The following LPA variants were observed in gnomAD, a reference collection of about 807,000 sequenced individuals.
LPA encodes apolipoprotein(a).
A neutral mutation model predicts 197.9 loss-of-function variants in LPA; 199 were observed. The observed-to-expected ratio is 1.01, with a 90% CI of 0.90 to 1.13. The LOEUF (loss-of-function observed/expected upper bound fraction) is 1.13, where lower values mean the gene tolerates loss of function less well. LPA is among the 50% of genes most tolerant of loss of function. The pLI, the probability that LPA is intolerant of heterozygous loss-of-function variation, is 0.00. For synonymous variants in LPA, 715 were observed against 639.5 expected, an observed-to-expected ratio of 1.12 and a Z score of -1.78; for missense variants, 1,853 against 1,785.8, an observed-to-expected ratio of 1.04 and a Z score of -0.68.
At chr6:160,606,688 A>C in intron 16 of LPA, 30 bp from the exon 17 acceptor site, 9 of 1,613,170 alleles carry the variant, frequency 5.6e-6, no homozygotes, top group Non-Finnish European at 7.6e-6. Context: ...ACACGTCACA[A>C]GAGGTGGGAC....
chr6:160,602,994 GT>G (rs10548212), intron 18 of LPA, among the ~76,000 whole-genome samples: 37,369 of 120,958 alleles, frequency 0.31, 4,727 homozygotes, highest in East Asian at 0.7. Flanking sequence ...GAATCATACA[GT>G]TTTTTTTTTT....
At chr6:160,540,376 G>T (rs561261044) in intron 35 of LPA, among the ~76,000 whole-genome samples, 193 bp from the exon 36 acceptor site, 12 of 152,310 alleles carry the variant, frequency 7.9e-5, no homozygotes, top group Admixed American at 7.2e-4. Context: ...TTTCATCAGA[G>T]ACTGTGATAT....
intron 1 of LPA, among the ~76,000 whole-genome samples, chr6:160,660,308 C>A (rs1737569966): frequency 6.6e-6 from 1 of 152,132 alleles, no homozygotes; most frequent in African/African-American, 2.4e-5. Context: ...AAGGGGCATT[C>A]TTTTCTACCT....
At chr6:160,569,343 C>A (rs532548885) in intron 28 of LPA, among the ~76,000 whole-genome samples, 31 of 152,102 alleles carry the variant, frequency 2.0e-4, no homozygotes, top group Admixed American at 2.0e-3. Flanking sequence ...CTACAACCAT[C>A]TGATCTATGA....
rs1453785947 is a variant in LPA at position 160,600,885 on chromosome 6, C to T, written c.3127+32G>A. On this transcript the variant is annotated intron_variant, in intron 19 of 38. Transcript: ENST00000316300. The stretch of plus-strand genomic sequence containing the variant: ...ATCCATGGCTTTTCATCCCAGCATC[C>T]AAGCAGGTAAATGTCTGGCACAACT... 1.9e-6 allele frequency: 3 copies of T among 1,609,638 alleles called. No homozygotes were observed. In the East Asian group the frequency reaches 6.7e-5, roughly 36 times the overall value.
chr6:160,635,150 G>A lies in LPA; in HGVS notation c.1048C>T (p.Pro350Ser), dbSNP rs1779787942. The A allele has an allele frequency of 6.7e-7, 1 of 1,484,848 alleles. No homozygotes were observed. The highest frequency in any genetic ancestry group is 9.2e-7 in the Non-Finnish European group (1 of 1,085,794). The allele number at this position is 1,484,848 out of a possible 1,614,324, so 92.0% of individuals were successfully genotyped here. Reference protein sequence around the residue: ...AVAPPTVTPVPSLEAPSEQAP... With the variant: ...AVAPPTVTPVSSLEAPSEQAP... The stretch of plus-strand genomic sequence containing the variant: ...TGTTCGGAAGGAGCCTCTAGGCTTG[G>A]AACCGGGGTAACAGTCGGAGGCGCG... The change falls in exon 7 of 39, where the codon CCA becomes TCA. Residue 350 changes from proline to serine, a missense_variant. Pro to Ser is a moderately conservative substitution (Grantham distance 74). Around this residue, in one of 3 missense-constraint regions of LPA, gnomAD observed 28 missense variants for 198.4 expected, o/e 0.14. Transcript: ENST00000316300.
In LPA at chr6:160,609,478, G is replaced by A. The variant is rs187223926; in HGVS notation, c.2603+2084C>T. On this transcript the variant is annotated intron_variant, in intron 16 of 38. Transcript: ENST00000316300. ...AGATGTTTCTTCTTCTTATATCCTT[G>A]CCTTGTTACCTTTGAACTGTGATGT... Among the ~76,000 whole-genome samples, 305 of 151,966 alleles carry A rather than the reference G, an allele frequency of 2.0e-3. 1 individual carries two copies. The highest frequency in any genetic ancestry group is 6.8e-4 in the Non-Finnish European group (46 of 67,968).
chr6:160,553,640 T>C (rs1339785867), intron 30 of LPA, among the ~76,000 whole-genome samples: 2 of 152,204 alleles, frequency 1.3e-5, no homozygotes, highest in African/African-American at 4.8e-5. Flanking sequence ...CTTGTTATCT[T>C]TGATGTTGGA....
At chr6:160,547,519 T>C (rs968955771) in intron 32 of LPA, among the ~76,000 whole-genome samples, 1 of 152,106 alleles carries the variant, frequency 6.6e-6, no homozygotes, top group Non-Finnish European at 1.5e-5. Context: ...CCAGTACCAG[T>C]ACTGGAGTGG....
At chr6:160,533,178 G>A (rs1562312338) in intron 37 of LPA, among the ~76,000 whole-genome samples, 1 of 152,102 alleles carries the variant, frequency 6.6e-6, no homozygotes, top group South Asian at 2.1e-4. Context: ...AAAATGTCCT[G>A]GAAATATGGT....
intron 21 of LPA, among the ~76,000 whole-genome samples, chr6:160,594,875 G>A (rs1253722675): frequency 6.6e-6 from 1 of 152,090 alleles, no homozygotes; most frequent in African/African-American, 2.4e-5. Context: ...ACTGCTACCT[G>A]GACCCAGAAG....
intron 20 of LPA, among the ~76,000 whole-genome samples, chr6:160,596,741 AG>A (rs1779140825): frequency 6.6e-6 from 1 of 152,184 alleles, no homozygotes; most frequent in African/African-American, 2.4e-5. Flanking sequence ...AAAGGTCCTC[AG>A]GTTTCTCTAG....
intron 10 of LPA, among the ~76,000 whole-genome samples, chr6:160,624,471 AAC>A (rs1419672239): frequency 9.8e-6 from 1 of 102,244 alleles, no homozygotes; most frequent in African/African-American, 3.4e-5. Flanking sequence ...ACACTGAGAT[AAC>A]ACACACACGT....
chr6:160,600,335 G>A (rs892771543), intron 19 of LPA, among the ~76,000 whole-genome samples: 1 of 152,132 alleles, frequency 6.6e-6, no homozygotes, highest in Admixed American at 6.5e-5. Flanking sequence ...ATCAGAAAGA[G>A]GCAAAAGCAC....
chr6:160,659,295 G>C (rs1039610180), intron 1 of LPA, among the ~76,000 whole-genome samples: 2 of 152,166 alleles, frequency 1.3e-5, no homozygotes, highest in African/African-American at 4.8e-5. Context: ...GGCACACTGG[G>C]GTGTGAGTAA....
chr6:160,635,723 T>A (rs1285534638), intron 6 of LPA, among the ~76,000 whole-genome samples: 6 of 106,002 alleles, frequency 5.7e-5, no homozygotes, highest in African/African-American at 2.6e-4. Context: ...CGTATCTCTC[T>A]CGGTAGGACT....
chr6:160,611,487 A>T, intron 16 of LPA, 75 bp downstream of exon 16: 1 of 1,586,604 alleles, frequency 6.3e-7, no homozygotes, highest in South Asian at 1.1e-5. Flanking sequence ...CGGAGAACTC[A>T]GCTTGAAGCA....
chr6:160,647,018 G>T (rs1280027313), intron 2 of LPA, among the ~76,000 whole-genome samples: 1 of 152,160 alleles, frequency 6.6e-6, no homozygotes, highest in Admixed American at 6.5e-5. Context: ...TGTCGGTCAA[G>T]TAGGTTTGTT....
chr6:160,574,057 G>A (rs985128011), intron 28 of LPA, among the ~76,000 whole-genome samples: 4 of 152,088 alleles, frequency 2.6e-5, no homozygotes, highest in African/African-American at 9.7e-5. Flanking sequence ...GACTTTCCTT[G>A]GGCACGTCTT....
Sources: gnomAD v4.1 joint callset for allele counts (sites outside exome capture counted in the v4.1 genomes callset) on GRCh38, gnomAD v4.1.1 for gene constraint, gnomAD v4.1.1 regional missense constraint, MANE v1.5 for transcripts, NCBI Gene and HGNC (gene_info 2026-07-23, HGNC 2026-07-21) for gene names.